Variants in OR1J2 observed in about 807,000 individuals in gnomAD.
OR1J2 encodes olfactory receptor 1J2.
For synonymous variants in OR1J2, 142 were observed against 99.7 expected, an observed-to-expected ratio of 1.42 and a Z score of -2.52; for missense variants, 304 against 246.1, an observed-to-expected ratio of 1.24 and a Z score of -1.57.
chr9:122,462,730 T>C, the OR1J2 span, among the ~76,000 whole-genome samples: 1 of 152,198 alleles, frequency 6.6e-6, no homozygotes, highest in East Asian at 1.9e-4. Flanking sequence ...GTTTTGTTTA[T>C]GGAGGCTAAA....
At chr9:122,515,540 T>C (rs116081608), downstream of OR1J2, among the ~76,000 whole-genome samples, 1,419 of 152,220 alleles carry the variant, frequency 9.3e-3, 21 homozygotes, top group African/African-American at 0.033. Flanking sequence ...GGCCAGCTGG[T>C]TACATAAATT....
the OR1J2 span, among the ~76,000 whole-genome samples, chr9:122,457,127 C>G: frequency 1.8e-3 from 269 of 152,204 alleles, no homozygotes; most frequent in African/African-American, 5.9e-3. Flanking sequence ...GAACAGAAAA[C>G]CAAATACCGC....
At chr9:122,536,234 G>A in the OR1J2 span, among the ~76,000 whole-genome samples, 1 of 152,054 alleles carries the variant, frequency 6.6e-6, no homozygotes, top group Non-Finnish European at 1.5e-5. Context: ...CTTACAACAA[G>A]GTTCCTGCTC....
At chr9:122,510,715 A>G (rs1219238685), upstream of OR1J2, 6 of 815,098 alleles carry the variant, frequency 7.4e-6, no homozygotes, top group African/African-American at 3.4e-5. Flanking sequence ...TAAAACGTAC[A>G]TCTTTTAATA....
chr9:122,450,174 A>G, the OR1J2 span, among the ~76,000 whole-genome samples: 1 of 152,180 alleles, frequency 6.6e-6, no homozygotes, highest in Non-Finnish European at 1.5e-5. Context: ...TCATGCCTGT[A>G]ATTCTCAGCA....
the OR1J2 span, among the ~76,000 whole-genome samples, chr9:122,534,590 G>T: frequency 6.6e-6 from 1 of 152,160 alleles, no homozygotes; most frequent in Non-Finnish European, 1.5e-5. Flanking sequence ...GTGTGAGGAG[G>T]GGAGGTGATA....
chr9:122,529,788 A>G, the OR1J2 span, among the ~76,000 whole-genome samples: 1 of 152,156 alleles, frequency 6.6e-6, no homozygotes, highest in Admixed American at 6.5e-5. Context: ...CTCTTCGTCT[A>G]CTGTGTCAGC....
the OR1J2 span, among the ~76,000 whole-genome samples, chr9:122,537,943 G>A: frequency 6.6e-6 from 1 of 152,190 alleles, no homozygotes; most frequent in Non-Finnish European, 1.5e-5. Flanking sequence ...TGCATAAGGT[G>A]CGAATTTCTG....
the OR1J2 span, among the ~76,000 whole-genome samples, chr9:122,481,143 C>T: frequency 6.6e-6 from 1 of 152,036 alleles, no homozygotes; most frequent in Admixed American, 6.5e-5. Flanking sequence ...CTCTATGTGT[C>T]CATGTGTTCT....
the OR1J2 span, among the ~76,000 whole-genome samples, chr9:122,577,615 A>G: frequency 6.6e-6 from 1 of 152,280 alleles, no homozygotes; most frequent in Middle Eastern, 3.4e-3. Flanking sequence ...TTTTTTCACC[A>G]ATCATATTAT....
At chr9:122,509,041 C>G (rs1179656597), upstream of OR1J2, among the ~76,000 whole-genome samples, 3 of 152,232 alleles carry the variant, frequency 2.0e-5, no homozygotes, top group Non-Finnish European at 4.4e-5. Flanking sequence ...TCAGACTCTT[C>G]TATGTCTTCT....
chr9:122,525,288 ATT>A, the OR1J2 span, among the ~76,000 whole-genome samples: 1 of 152,182 alleles, frequency 6.6e-6, no homozygotes, highest in Non-Finnish European at 1.5e-5. Context: ...GAACAGTTTG[ATT>A]CCATGAAAGA....
the OR1J2 span, among the ~76,000 whole-genome samples, chr9:122,525,057 T>G: frequency 6.6e-6 from 1 of 152,106 alleles, no homozygotes; most frequent in Non-Finnish European, 1.5e-5. Flanking sequence ...ACTAAGGAGA[T>G]GAGGGCAGGA....
the OR1J2 span, among the ~76,000 whole-genome samples, chr9:122,524,510 G>A: frequency 2.0e-5 from 3 of 152,198 alleles, no homozygotes; most frequent in Admixed American, 2.0e-4. Context: ...TTTGTATGCT[G>A]AGTGCTGACC....
At chr9:122,565,387 G>A in the OR1J2 span, among the ~76,000 whole-genome samples, 1 of 152,216 alleles carries the variant, frequency 6.6e-6, no homozygotes, top group Non-Finnish European at 1.5e-5. Context: ...GGATACCAGT[G>A]AGTCTCTTTC....
the OR1J2 span, among the ~76,000 whole-genome samples, chr9:122,573,623 T>C: frequency 6.6e-6 from 1 of 152,224 alleles, no homozygotes; most frequent in Non-Finnish European, 1.5e-5. Context: ...TTAAGAGTTA[T>C]TTGTGTATTT....
the OR1J2 span, among the ~76,000 whole-genome samples, chr9:122,540,908 C>T: frequency 6.6e-5 from 10 of 152,176 alleles, no homozygotes; most frequent in African/African-American, 2.4e-4. Flanking sequence ...CATGATTTGG[C>T]TCTCTGTTTG....
chr9:122,503,999 C>T, the OR1J2 span, among the ~76,000 whole-genome samples: 1 of 152,186 alleles, frequency 6.6e-6, no homozygotes, highest in Admixed American at 6.5e-5. Flanking sequence ...TGGAAATCCT[C>T]ATGAGGCCAT....
chr9:122,498,231 G>A, the OR1J2 span, among the ~76,000 whole-genome samples: 2 of 152,028 alleles, frequency 1.3e-5, no homozygotes, highest in Non-Finnish European at 2.9e-5. Context: ...TTTCCAGGTT[G>A]TTTGTTTGTT....
Sources: gnomAD v4.1 joint callset for allele counts (sites outside exome capture counted in the v4.1 genomes callset) on GRCh38, gnomAD v4.1.1 for gene constraint, MANE v1.5 for transcripts, NCBI Gene and HGNC (gene_info 2026-07-23, HGNC 2026-07-21) for gene names.